Variants in SEMA5A observed in about 807,000 individuals in gnomAD.
SEMA5A encodes the protein semaphorin 5A, also known as semaphorin-5A.
SEMA5A carries 55 observed loss-of-function variants against 135.5 expected under a neutral mutation model. The observed-to-expected ratio is 0.41, with a 90% CI of 0.33 to 0.51. The LOEUF is 0.51. Ranked by LOEUF, SEMA5A falls within the 20% of genes least tolerant of loss-of-function variation. The pLI is 0.37. For synonymous variants in SEMA5A, 580 were observed against 546.5 expected, an observed-to-expected ratio of 1.06 and a Z score of -0.85; for missense variants, 1,290 against 1,419.9, an observed-to-expected ratio of 0.91 and a Z score of 1.47.
At chr5:9,438,975 C>G (rs1758133568) in intron 1 of SEMA5A, among the ~76,000 whole-genome samples, 1 of 152,214 alleles carries the variant, frequency 6.6e-6, no homozygotes, top group Admixed American at 6.5e-5. Context: ...GTGGCACTGC[C>G]TCTCTATGAG....
chr5:9,475,330 T>C (rs548783735), intron 1 of SEMA5A, among the ~76,000 whole-genome samples: 2 of 152,150 alleles, frequency 1.3e-5, no homozygotes, highest in Non-Finnish European at 2.9e-5. Flanking sequence ...TCATCTCAAG[T>C]TTAATTATGT....
At chr5:9,483,254 A>G (rs559854927) in intron 1 of SEMA5A, among the ~76,000 whole-genome samples, 3 of 151,822 alleles carry the variant, frequency 2.0e-5, no homozygotes, top group African/African-American at 4.8e-5. Flanking sequence ...CTTTCCAAGT[A>G]TCTCTATATA....
chr5:9,445,208 T>A (rs976229125), intron 1 of SEMA5A, among the ~76,000 whole-genome samples: 1 of 152,282 alleles, frequency 6.6e-6, no homozygotes, highest in East Asian at 1.9e-4. Flanking sequence ...CACAATGACA[T>A]GGGAGGTCTC....
At chr5:9,394,438 A>T (rs1338085444) in intron 2 of SEMA5A, among the ~76,000 whole-genome samples, 1 of 152,184 alleles carries the variant, frequency 6.6e-6, no homozygotes, top group African/African-American at 2.4e-5. Context: ...GTGATGTGGG[A>T]TACGGTGTCC....
chr5:9,196,493 T>A (rs1375852384), intron 10 of SEMA5A, among the ~76,000 whole-genome samples: 1 of 152,212 alleles, frequency 6.6e-6, no homozygotes, highest in African/African-American at 2.4e-5. Flanking sequence ...TGCCTCTTTT[T>A]TAAGCTACCC....
intron 1 of SEMA5A, among the ~76,000 whole-genome samples, chr5:9,493,355 T>C (rs1352244423): frequency 6.6e-6 from 1 of 151,630 alleles, no homozygotes; most frequent in Non-Finnish European, 1.5e-5. Context: ...TTAATGTTTA[T>C]TCAAAAGGTT....
chr5:9,327,832 C>T (rs1030208868), intron 4 of SEMA5A, among the ~76,000 whole-genome samples: 6 of 152,122 alleles, frequency 3.9e-5, no homozygotes, highest in South Asian at 2.1e-4. Context: ...ATTTAACTCG[C>T]GACTTTTGCC....
rs1736035642 is a variant in SEMA5A, at chr5:9,042,855, G to A, written c.*42C>T. On this transcript the variant is annotated 3_prime_UTR_variant, in exon 23 of 23. Transcript: ENST00000382496. The stretch of plus-strand genomic sequence containing the variant: ...TGGGCAGTCATGGGGCACAGGCCTT[G>A]AGGAACTGGGGATTTACAAGAAGCC... 1.2e-6 allele frequency: 2 copies of A among 1,611,486 alleles called. No individual in the cohort carries two copies. Among genetic ancestry groups the A allele is most frequent in the Non-Finnish European group, 8.5e-7 (1 of 1,178,068 alleles).
chr5:9,392,002 C>A (rs2126531517), intron 2 of SEMA5A, among the ~76,000 whole-genome samples: 1 of 152,240 alleles, frequency 6.6e-6, no homozygotes, highest in South Asian at 2.1e-4. Context: ...CACGCGTGTG[C>A]ATGGAACTGC....
Position 9,066,441 on chromosome 5 carries a change from G to A in SEMA5A, c.2279C>T (p.Thr760Ile), listed in dbSNP as rs200672114. 4.3e-6 allele frequency: 7 copies of A among 1,614,206 alleles called. No homozygotes were observed. The African/African-American group carries it at 9.3e-5, about 22-fold the overall frequency. Reference sequence around the variant, plus strand: ...CTCACCATCTGTGGAGCAGCCACTGGTGCCGTCGCTAGAACAGTACCGCAT... The same window carrying A: ...CTCACCATCTGTGGAGCAGCCACTGATGCCGTCGCTAGAACAGTACCGCAT... The part of the protein sequence containing the change: ...IEMRYCSSDG[T>I]SGCSTDGLSG... The change falls in exon 17 of 23, where the codon ACC becomes ATC. Residue 760 changes from threonine (T) to isoleucine (I), a missense_variant. Physicochemically the swap from Thr to Ile is moderately conservative, Grantham distance 89 (BLOSUM62 -1). This residue lies in a region of SEMA5A where 1,029 missense variants were observed against 1,086.6 expected (regional missense o/e 0.95). Coordinates refer to ENST00000382496, the MANE Select transcript of SEMA5A (RefSeq NM_003966.3).
intron 2 of SEMA5A, among the ~76,000 whole-genome samples, chr5:9,399,363 C>T (rs2126559317): frequency 6.6e-6 from 1 of 152,166 alleles, no homozygotes; most frequent in Admixed American, 6.5e-5. Context: ...AAATCAGGCA[C>T]AATAGGCCAC....
At chr5:9,387,225 C>G (rs1457259826) in intron 2 of SEMA5A, among the ~76,000 whole-genome samples, 1 of 152,166 alleles carries the variant, frequency 6.6e-6, no homozygotes, top group East Asian at 1.9e-4. Context: ...AGGAGCATAG[C>G]CTTGTCTCTA....
intron 5 of SEMA5A, among the ~76,000 whole-genome samples, chr5:9,286,950 C>T (rs1447285664): frequency 1.3e-5 from 2 of 152,176 alleles, no homozygotes; most frequent in Admixed American, 6.6e-5. Context: ...AACACATTTC[C>T]TTTTTTAGTT....
At chr5:9,234,273 G>C (rs1318796437) in intron 6 of SEMA5A, among the ~76,000 whole-genome samples, 2 of 152,158 alleles carry the variant, frequency 1.3e-5, no homozygotes, top group African/African-American at 4.8e-5. Context: ...AGTTGCCCCT[G>C]TTCATAGGGG....
chr5:9,209,630 G>A lies in SEMA5A; in HGVS notation c.647-7390C>T, dbSNP rs149859809. On this transcript the variant is annotated intron_variant, in intron 8 of 22. Transcript: ENST00000382496. ...TTGTTATCATACTTCTTCCCAATAA[G>A]CTACTGTAGAATAAGGAAACGTGCA... is the stretch of plus-strand genomic sequence containing the variant. Among the ~76,000 whole-genome samples, 11 of 152,282 alleles carry A rather than the reference G, an allele frequency of 7.2e-5. No individual in the cohort carries two copies. In the East Asian group the frequency reaches 2.1e-3, roughly 29 times the overall value.
intron 17 of SEMA5A, among the ~76,000 whole-genome samples, chr5:9,064,713 C>T (rs1268216290): frequency 2.6e-5 from 4 of 152,140 alleles, no homozygotes; most frequent in Admixed American, 6.5e-5. Context: ...GGCAACAGAG[C>T]GAGACCCTGT....
At chr5:9,219,941 G>T (rs913976855) in intron 8 of SEMA5A, among the ~76,000 whole-genome samples, 14 of 152,290 alleles carry the variant, frequency 9.2e-5, no homozygotes, top group African/African-American at 3.4e-4. Flanking sequence ...CAGTAGGCGG[G>T]CATGGTGTGA....
chr5:9,167,972 G>A (rs1743705284), intron 11 of SEMA5A, among the ~76,000 whole-genome samples: 1 of 152,072 alleles, frequency 6.6e-6, no homozygotes, highest in African/African-American at 2.4e-5. Flanking sequence ...CAATTTTCCT[G>A]GTTATTGCCA....
At chr5:9,244,796 T>C (rs115105577) in intron 5 of SEMA5A, among the ~76,000 whole-genome samples, 1,760 of 152,286 alleles carry the variant, frequency 0.012, 34 homozygotes, top group African/African-American at 0.039. Flanking sequence ...TGGCAGCCCT[T>C]GAGCTGGTTG....
Sources: allele counts gnomAD v4.1 joint callset (sites outside exome capture counted in the v4.1 genomes callset), GRCh38; gene constraint gnomAD v4.1.1; regional missense constraint gnomAD v4.1.1; transcripts MANE v1.5; gene names NCBI Gene and HGNC (gene_info 2026-07-23, HGNC 2026-07-21).